Variants in NDRG1 observed in about 807,000 individuals in gnomAD.
NDRG1 encodes protein NDRG1.
NDRG1 carries 32 observed loss-of-function variants against 56.9 expected under a neutral mutation model. That is an observed-to-expected ratio of 0.56 (90% confidence interval 0.42 to 0.76). NDRG1 has a LOEUF of 0.76. Among genes scored for constraint, NDRG1 ranks in the 30% least tolerant of loss-of-function variants. NDRG1 has a pLI of 0.00. For missense variants in NDRG1, 507 were observed against 545.7 expected, an observed-to-expected ratio of 0.93 and a Z score of 0.71; for synonymous variants, 211 against 204.1, an observed-to-expected ratio of 1.03 and a Z score of -0.29.
chr8:133,251,629 C>T (rs1856052733), intron 9 of NDRG1, among the ~76,000 whole-genome samples: 1 of 152,158 alleles, frequency 6.6e-6, no homozygotes, highest in African/African-American at 2.4e-5. Flanking sequence ...TTTCAGATTA[C>T]ACACTCAGGA....
intron 1 of NDRG1, among the ~76,000 whole-genome samples, chr8:133,295,412 C>T (rs1048675923): frequency 1.3e-5 from 2 of 152,198 alleles, no homozygotes; most frequent in African/African-American, 4.8e-5. Context: ...CCATCCACAC[C>T]AAAACCCTCT....
At position 133,247,914 on chromosome 8, in the gene NDRG1, C is replaced by T; in HGVS notation, c.768G>A (p.Leu256=). 1 of 1,614,116 alleles carries T rather than the reference C, an allele frequency of 6.2e-7. No homozygotes were observed. The highest frequency in any genetic ancestry group is 8.5e-7 in the Non-Finnish European group (1 of 1,180,018). Residue 256 remains leucine (L), a synonymous_variant, in exon 12 of 16, where the codon CTG becomes CTA. Coordinates refer to ENST00000323851, the MANE Select transcript of NDRG1 (RefSeq NM_006096.4). ...CAGGCGAGCTGTCCCCAACCACCAA[C>T]AGAGCAGGGCACCTGGGGTCAGGGA... ...THTVTLQCPA[L]LVVGDSSPAV...
intron 6 of NDRG1, 31 bp from the exon 7 acceptor site, chr8:133,258,457 CA>C (rs1563624234): frequency 6.3e-7 from 1 of 1,596,528 alleles, no homozygotes; most frequent in East Asian, 2.2e-5. Context: ...GCATGTCACA[CA>C]AGGACAGAGT....
At position 133,238,732 on chromosome 8, in the gene NDRG1, G is replaced by T; in HGVS notation, c.*146C>A. On this transcript the variant is annotated 3_prime_UTR_variant, in exon 16 of 16. Transcript: ENST00000323851. ...GGCACCCACGTAATAGACCTCATTT[G>T]TCTCCACCAGAGCTCACTCTTACAA... The T allele has an allele frequency of 9.7e-7, 1 of 1,028,784 alleles. No individual in the cohort carries two copies. Among genetic ancestry groups the T allele is most frequent in the Non-Finnish European group, 1.4e-6 (1 of 726,760 alleles). The allele number at this position is 1,028,784 out of a possible 1,614,324, so 63.7% of individuals were successfully genotyped here. A position where few individuals can be genotyped will look rare whatever the true frequency, so the allele number is the denominator to read the frequency against.
chr8:133,291,061 C>T (rs921097196), intron 1 of NDRG1, among the ~76,000 whole-genome samples: 3 of 152,166 alleles, frequency 2.0e-5, no homozygotes, highest in Non-Finnish European at 2.9e-5. Flanking sequence ...CTCATTCCCT[C>T]GGGGGAGGGC....
At chr8:133,261,541 C>G (rs1344245272) in intron 5 of NDRG1, among the ~76,000 whole-genome samples, 1 of 152,188 alleles carries the variant, frequency 6.6e-6, no homozygotes, top group Non-Finnish European at 1.5e-5. Flanking sequence ...AAGGATTAAG[C>G]CCAGTGTTAG....
At chr8:133,280,085 C>T in intron 3 of NDRG1, 147 bp downstream of exon 3, 1 of 891,662 alleles carries the variant, frequency 1.1e-6, no homozygotes, top group Middle Eastern at 2.2e-4. Flanking sequence ...GGAGCAGCAG[C>T]TGAGGGTGAG....
intron 1 of NDRG1, among the ~76,000 whole-genome samples, chr8:133,290,139 C>G (rs1858350272): frequency 6.6e-6 from 1 of 152,170 alleles, no homozygotes; most frequent in Admixed American, 6.5e-5. Context: ...GTGCCTTGCT[C>G]CAGCTCTGCC....
intron 14 of NDRG1, 47 bp from the exon 15 acceptor site, chr8:133,242,121 G>T (rs1200395160): frequency 1.2e-6 from 2 of 1,605,870 alleles, no homozygotes; most frequent in Non-Finnish European, 8.5e-7. Flanking sequence ...TGGGGAGCCA[G>T]ATCACCCGAG....
intron 4 of NDRG1, among the ~76,000 whole-genome samples, chr8:133,263,585 C>T (rs887060136): frequency 1.3e-5 from 2 of 152,200 alleles, no homozygotes; most frequent in Non-Finnish European, 2.9e-5. Context: ...GTTACTCACA[C>T]AGCCAAAAAG....
At chr8:133,278,210 C>A (rs1385503334) in intron 3 of NDRG1, among the ~76,000 whole-genome samples, 1 of 152,150 alleles carries the variant, frequency 6.6e-6, no homozygotes, top group Non-Finnish European at 1.5e-5. Flanking sequence ...AGTCAAATAA[C>A]CAAGGCCATG....
chr8:133,247,710 C>A (rs970130875), intron 12 of NDRG1, among the ~76,000 whole-genome samples, 165 bp downstream of exon 12: 1 of 152,208 alleles, frequency 6.6e-6, no homozygotes, highest in African/African-American at 2.4e-5. Context: ...GGGAAAGAGA[C>A]TGAGTGGCTG....
intron 3 of NDRG1, among the ~76,000 whole-genome samples, chr8:133,279,678 G>A (rs754374833): frequency 4.6e-5 from 7 of 152,212 alleles, no homozygotes; most frequent in Non-Finnish European, 8.8e-5. Context: ...GGGCTAACGA[G>A]TCCAGGACTT....
chr8:133,296,571 C>G, intron 1 of NDRG1: 1 of 456,176 alleles, frequency 2.2e-6, no homozygotes, highest in Non-Finnish European at 4.4e-6. Flanking sequence ...CACACCCGTT[C>G]CCGACCCAGT....
intron 3 of NDRG1, among the ~76,000 whole-genome samples, chr8:133,270,778 G>A (rs1857148984): frequency 6.6e-6 from 1 of 152,134 alleles, no homozygotes; most frequent in Non-Finnish European, 1.5e-5. Flanking sequence ...ACATTTCCTT[G>A]GCACAGCACT....
intron 1 of NDRG1, among the ~76,000 whole-genome samples, chr8:133,293,038 C>T (rs1057163459): frequency 2.6e-5 from 4 of 152,220 alleles, no homozygotes; most frequent in Non-Finnish European, 4.4e-5. Flanking sequence ...CATTCCCATT[C>T]TGTAGTGCTG....
chr8:133,259,334 T>C, intron 5 of NDRG1, 104 bp from the exon 6 acceptor site: 1 of 1,176,244 alleles, frequency 8.5e-7, no homozygotes, highest in South Asian at 1.2e-5. Flanking sequence ...GCCTGCCCCA[T>C]GCACCCAGAC....
intron 4 of NDRG1, 116 bp downstream of exon 4, chr8:133,264,431 G>A (rs1052787565): frequency 1.4e-5 from 12 of 888,536 alleles, no homozygotes; most frequent in African/African-American, 3.3e-5. Context: ...ACAGCCCCAG[G>A]AAGTCCCAGG....
chr8:133,240,386 C>A (rs970091882), intron 15 of NDRG1: 3 of 152,220 alleles, frequency 2.0e-5, no homozygotes, highest in African/African-American at 7.2e-5. Context: ...CACTCCCAAA[C>A]AGAATTAATC....
Sources: gnomAD v4.1 joint callset for allele counts (sites outside exome capture counted in the v4.1 genomes callset) on GRCh38, gnomAD v4.1.1 for gene constraint, MANE v1.5 for transcripts, NCBI Gene and HGNC (gene_info 2026-07-23, HGNC 2026-07-21) for gene names.